Variants in TP63 observed in about 807,000 individuals in gnomAD.
The protein encoded by TP63 is tumor protein 63.
In TP63, 17 loss-of-function variants were observed where a neutral mutation model predicts 82.8. That is an observed-to-expected ratio of 0.21 (90% confidence interval 0.14 to 0.31). TP63 has a LOEUF of 0.31. Among genes scored for constraint, TP63 ranks in the 10% least tolerant of loss-of-function variants. The probability of loss-of-function intolerance (pLI) is 1.00; values close to 1 mark genes in which losing one functional copy is unlikely to be tolerated. For synonymous variants in TP63, 330 were observed against 321.7 expected (o/e 1.03, Z -0.28); for missense variants, 648 against 895.3 (o/e 0.72, Z 3.52).
intron 3 of TP63, among the ~76,000 whole-genome samples, chr3:189,767,461 T>C (rs2108550283): frequency 6.6e-6 from 1 of 152,332 alleles, no homozygotes; most frequent in Non-Finnish European, 1.5e-5. Flanking sequence ...CATAGTGTTA[T>C]AAAAATTCAA....
intron 8 of TP63, 74 bp from the exon 9 acceptor site, chr3:189,869,247 AATT>A (rs1262585283): frequency 1.0e-5 from 11 of 1,050,334 alleles, no homozygotes; most frequent in Admixed American, 5.8e-5. Flanking sequence ...ATTAATATTT[AATT>A]ATTAAGTATA....
intron 10 of TP63, among the ~76,000 whole-genome samples, chr3:189,882,758 A>G (rs1363352080): frequency 6.6e-6 from 1 of 152,180 alleles, no homozygotes; most frequent in Non-Finnish European, 1.5e-5. Flanking sequence ...TGGAACCAGA[A>G]AACCTGATTT....
intron 3 of TP63, among the ~76,000 whole-genome samples, chr3:189,754,203 C>T (rs77258597): frequency 0.012 from 1,829 of 152,108 alleles, 44 homozygotes; most frequent in African/African-American, 0.042. Flanking sequence ...GGACCATAAA[C>T]CAGGTCAAAG....
chr3:189,789,384 TTTG>T (rs1724892498), intron 3 of TP63, among the ~76,000 whole-genome samples: 1 of 151,888 alleles, frequency 6.6e-6, no homozygotes, highest in Non-Finnish European at 1.5e-5. Context: ...TTTGGGGAGA[TTTG>T]TTTTGTTTTT....
At chr3:189,689,106 T>TC (rs1716700152) in intron 1 of TP63, among the ~76,000 whole-genome samples, 1 of 30,860 alleles carries the variant, frequency 3.2e-5, no homozygotes, top group South Asian at 1.2e-3. Flanking sequence ...ACCTTTTTCT[T>TC]TTTTTTTTTT....
chr3:189,755,647 G>A (rs1207664179), intron 3 of TP63, among the ~76,000 whole-genome samples: 2 of 152,018 alleles, frequency 1.3e-5, no homozygotes, highest in Non-Finnish European at 2.9e-5. Flanking sequence ...TATATGCTTA[G>A]AAGTGTAATT....
intron 3 of TP63, among the ~76,000 whole-genome samples, chr3:189,750,125 GAAA>G (rs71175309): frequency 2.1e-5 from 2 of 95,470 alleles, no homozygotes; most frequent in South Asian, 3.4e-4. Context: ...CTCTGTCTCA[GAAA>G]AAAAAAAAAA....
At chr3:189,661,678 A>C (rs770748878) in intron 1 of TP63, among the ~76,000 whole-genome samples, 14 of 151,996 alleles carry the variant, frequency 9.2e-5, no homozygotes, top group Non-Finnish European at 2.1e-4. Flanking sequence ...TGTCTGGTAG[A>C]ATTTGGCTGT....
chr3:189,834,595 C>T (rs1056750259), intron 4 of TP63, among the ~76,000 whole-genome samples: 7 of 152,130 alleles, frequency 4.6e-5, no homozygotes, highest in Admixed American at 1.3e-4. Context: ...TCCACAATTG[C>T]GCTGTGGCTG....
At chr3:189,736,970 G>A (rs1422367781) in intron 1 of TP63, among the ~76,000 whole-genome samples, 1 of 152,068 alleles carries the variant, frequency 6.6e-6, no homozygotes, top group Non-Finnish European at 1.5e-5. Flanking sequence ...ATCTGAGAAA[G>A]CTGATGTTTT....
intron 4 of TP63, among the ~76,000 whole-genome samples, chr3:189,834,764 C>A (rs1712873851): frequency 6.6e-6 from 1 of 152,034 alleles, no homozygotes; most frequent in Admixed American, 6.6e-5. Flanking sequence ...ATAAGAAGCA[C>A]AATTCTTAAA....
rs982437150 is a variant in TP63, at chr3:189,887,880, G to A, written c.1507+1329G>A. 8.1e-5 allele frequency among the ~76,000 whole-genome samples: 11 copies of A among 135,820 alleles called. No individual in the cohort carries two copies. In the East Asian group the frequency reaches 2.5e-3, roughly 31 times the overall value. The allele number at this position is 135,820 out of a possible 152,430, so 89.1% of individuals were successfully genotyped here. A position where few individuals can be genotyped will look rare whatever the true frequency, so the allele number is the denominator to read the frequency against. The stretch of plus-strand genomic sequence containing the variant: ...GGTTTTTTTTTTTTTTTTTTAGACA[G>A]AGTTTCGCTCTTGTTGCCCAGGCTG... On this transcript the variant is annotated intron_variant, in intron 11 of 13. Coordinates refer to ENST00000264731, the MANE Select transcript of TP63 (RefSeq NM_003722.5).
intron 9 of TP63, among the ~76,000 whole-genome samples, chr3:189,872,495 G>C (rs372779267): frequency 3.3e-5 from 5 of 151,768 alleles, no homozygotes; most frequent in African/African-American, 1.2e-4. Flanking sequence ...TAGCACTTCC[G>C]CACTGCCCTT....
At chr3:189,852,533 G>T (rs1241927370) in intron 4 of TP63, among the ~76,000 whole-genome samples, 1 of 152,222 alleles carries the variant, frequency 6.6e-6, no homozygotes, top group Non-Finnish European at 1.5e-5. Context: ...CAAGAAGGCT[G>T]AATTTAGTAA....
chr3:189,694,790 CTTTTTTTTTTTTTTTTT>C (rs71175304), intron 1 of TP63, among the ~76,000 whole-genome samples: 3 of 32,730 alleles, frequency 9.2e-5, no homozygotes, highest in South Asian at 2.1e-3. Context: ...TATTTACAGC[CTTTTTTTTTTTTTTTTT>C]TTTTTTTTTT....
rs2108795843 is a variant in TP63, at chr3:189,738,004, C to T, written c.191+136C>T. 8.7e-6 allele frequency: 9 copies of T among 1,034,010 alleles called. No individual in the cohort carries two copies. The South Asian group carries it at 1.4e-4, about 16-fold the overall frequency. The allele number at this position is 1,034,010 out of a possible 1,614,324, so 64.1% of individuals were successfully genotyped here. ...TAGGAAAAGTTAATGACTCCAATGC[C>T]ATCTCTTTGTTCAAATTCAGTGGTG... On this transcript the variant is annotated intron_variant, in intron 2 of 13. Transcript: ENST00000264731.
At chr3:189,602,436 G>C in the TP63 span, among the ~76,000 whole-genome samples, 2 of 152,166 alleles carry the variant, frequency 1.3e-5, no homozygotes, top group African/African-American at 4.8e-5. Context: ...GTTGAAGAAA[G>C]AGTGCAGAGG....
intron 1 of TP63, among the ~76,000 whole-genome samples, chr3:189,642,908 T>C (rs566435397): frequency 6.6e-6 from 1 of 152,186 alleles, no homozygotes; most frequent in East Asian, 1.9e-4. Flanking sequence ...TCTAGAAAAA[T>C]GGTCTGAGTC....
rs368661334 is a variant in TP63 at position 189,785,427 on chromosome 3, A to T, written c.325-22845A>T. ...CACAATCTTGTTGAGGAGAGCGTTA[A>T]GTATACAACTTTTTGCATTGAAAGA... On this transcript the variant is annotated intron_variant, in intron 3 of 13. Coordinates refer to ENST00000264731, the MANE Select transcript of TP63 (RefSeq NM_003722.5). Among the ~76,000 whole-genome samples the T allele has an allele frequency of 2.6e-5, 4 of 152,222 alleles. No homozygotes were observed. In the South Asian group the frequency reaches 8.3e-4, roughly 32 times the overall value.
Sources: allele counts gnomAD v4.1 joint callset (sites outside exome capture counted in the v4.1 genomes callset), GRCh38; gene constraint gnomAD v4.1.1; transcripts MANE v1.5; gene names NCBI Gene and HGNC (gene_info 2026-07-23, HGNC 2026-07-21).